The following IKBKB variants were observed in gnomAD, a reference collection of about 807,000 sequenced individuals.
IKBKB encodes inhibitor of nuclear factor kappa B kinase subunit beta.
In IKBKB, 42 loss-of-function variants were observed where a neutral mutation model predicts 113.6. That is an observed-to-expected ratio of 0.37 (90% CI 0.29 to 0.48). IKBKB has a LOEUF of 0.48. Among genes scored for constraint, IKBKB ranks in the 20% least tolerant of loss-of-function variants. IKBKB has a pLI of 0.99. For missense variants in IKBKB, 673 were observed against 939.7 expected (o/e 0.72, Z 3.71); for synonymous variants, 296 against 361.3 (o/e 0.82, Z 2.05).
At chr8:42,294,406 TC>T (rs1813287969) in intron 5 of IKBKB, among the ~76,000 whole-genome samples, 1 of 152,138 alleles carries the variant, frequency 6.6e-6, no homozygotes. Context: ...CACATACCGT[TC>T]CCCTCGGTTC....
At chr8:42,325,377 T>C (rs1585816441) in intron 19 of IKBKB, 1 of 986,150 alleles carries the variant, frequency 1.0e-6, no homozygotes, top group East Asian at 1.1e-4. Flanking sequence ...AATACTTTCC[T>C]GTTCTTTTCT....
rs201028246 is a variant in IKBKB at position 42,271,381 on chromosome 8, G to A, written c.-107G>A. 3 of 1,510,058 alleles carry A rather than the reference G, an allele frequency of 2.0e-6. No homozygotes were observed. The highest frequency in any genetic ancestry group is 2.0e-5 in the Admixed American group (1 of 50,894). 93.5% of individuals were successfully genotyped at this position (1,510,058 alleles called of 1,614,324 possible). On this transcript the variant is annotated 5_prime_UTR_variant, in exon 1 of 22. Transcript: ENST00000520810. ...GATTCCCGCATTTTAATGTTTTCAG[G>A]GGGGTGTCATAGCCCCGGGTTTGGC...
At chr8:42,309,952 TCAC>T (rs1272959408) in intron 8 of IKBKB, among the ~76,000 whole-genome samples, 2 of 152,184 alleles carry the variant, frequency 1.3e-5, no homozygotes, top group African/African-American at 2.4e-5. Flanking sequence ...AAGTTAATTA[TCAC>T]CACCAAAAAT....
chr8:42,311,480 G>A (rs1432104246), intron 8 of IKBKB, among the ~76,000 whole-genome samples: 6 of 141,488 alleles, frequency 4.2e-5, no homozygotes, highest in African/African-American at 1.5e-4. Context: ...AGAATCGCTG[G>A]AACCCAGGAG....
chr8:42,314,475 T>C, intron 9 of IKBKB, 46 bp downstream of exon 9: 1 of 1,296,030 alleles, frequency 7.7e-7, no homozygotes, highest in Non-Finnish European at 1.1e-6. Context: ...TCTTGCTTTT[T>C]TTAGAAATAC....
chr8:42,294,049 C>T (rs1016355879), intron 5 of IKBKB, among the ~76,000 whole-genome samples: 2 of 152,236 alleles, frequency 1.3e-5, no homozygotes, highest in African/African-American at 4.8e-5. Flanking sequence ...GTGGAGCCTC[C>T]TAGACCCTGG....
At chr8:42,324,050 T>A (rs1345050567) in intron 19 of IKBKB, among the ~76,000 whole-genome samples, 1 of 152,020 alleles carries the variant, frequency 6.6e-6, no homozygotes, top group Non-Finnish European at 1.5e-5. Context: ...AGCTCCAGCT[T>A]GTCTTAGAGG....
chr8:42,287,999 C>T (rs1377915797), intron 2 of IKBKB, among the ~76,000 whole-genome samples: 1 of 152,094 alleles, frequency 6.6e-6, no homozygotes, highest in Non-Finnish European at 1.5e-5. Context: ...GACAGGGAAA[C>T]CTCTCTGCGC....
rs1176866466 is a variant in IKBKB, at chr8:42,285,573, A to G, written c.106-3061A>G. On this transcript the variant is annotated intron_variant, in intron 2 of 21. Transcript: ENST00000520810. ...CTGTCTCTAAAAAGAAAAAATAGCA[A>G]CAGGTTTTACAATTGTTGAGAGAGG... 2.6e-5 allele frequency among the ~76,000 whole-genome samples: 4 copies of G among 152,176 alleles called. No homozygotes were observed. The South Asian group carries it at 8.3e-4, about 31-fold the overall frequency.
chr8:42,272,235 C>T (rs200284276), intron 2 of IKBKB, 30 bp downstream of exon 2: 32 of 1,613,720 alleles, frequency 2.0e-5, no homozygotes, highest in Non-Finnish European at 2.5e-5. Context: ...TGGGGAGGGG[C>T]GGGGAGCCAG....
intron 7 of IKBKB, among the ~76,000 whole-genome samples, chr8:42,306,735 C>T (rs976616653): frequency 6.6e-5 from 10 of 152,188 alleles, no homozygotes; most frequent in Admixed American, 4.6e-4. Flanking sequence ...CAGATCCATG[C>T]TGGTCTTGAG....
At chr8:42,315,329 G>A (rs552292900) in intron 9 of IKBKB, among the ~76,000 whole-genome samples, 1 of 152,326 alleles carries the variant, frequency 6.6e-6, no homozygotes, top group African/African-American at 2.4e-5. Flanking sequence ...TATATGGAAT[G>A]ACGTGGGATA....
chr8:42,288,602 C>T, intron 2 of IKBKB, 32 bp from the exon 3 acceptor site: 2 of 1,569,682 alleles, frequency 1.3e-6, no homozygotes, highest in Non-Finnish European at 1.7e-6. Context: ...CTGCAGCTCG[C>T]TCTGCTGGTC....
At chr8:42,289,847 G>A (rs566402880) in intron 3 of IKBKB, among the ~76,000 whole-genome samples, 150 of 152,306 alleles carry the variant, frequency 9.8e-4, no homozygotes, top group South Asian at 4.8e-3. Context: ...CCCATGTGGA[G>A]GGCATGAGAT....
intron 16 of IKBKB, 106 bp from the exon 17 acceptor site, chr8:42,321,790 C>A: frequency 2.6e-6 from 2 of 756,276 alleles, no homozygotes; most frequent in South Asian, 1.9e-5. Flanking sequence ...CCCAGAAGTT[C>A]GAGACCAGCC....
Position 42,326,040 on chromosome 8 carries a change from A to T in IKBKB, c.2057A>T (p.Gln686Leu), listed in dbSNP as rs1820674484. Residue 686 changes from glutamine (Q) to leucine (L), a missense_variant, in exon 20 of 22, where the codon CAG becomes CTG. By Grantham distance (113) the Gln-to-Leu change is moderately radical. Around this residue, in one of 2 missense-constraint regions of IKBKB, gnomAD observed 506 missense variants for 638.7 expected, o/e 0.79. Transcript: ENST00000520810. Reference sequence around the variant, plus strand: ...GCCTCTCGACTTAGCCAGCCTGGGCAGCTGATGTCTCAGCCCTCCACGGCC... The same window carrying T: ...GCCTCTCGACTTAGCCAGCCTGGGCTGCTGATGTCTCAGCCCTCCACGGCC... ...MNASRLSQPG[Q>L]LMSQPSTASN... is the part of the protein sequence containing the mutation. 1 of 1,614,256 alleles carries T rather than the reference A, an allele frequency of 6.2e-7. No homozygotes were observed. Among genetic ancestry groups the T allele is most frequent in the Non-Finnish European group, 8.5e-7 (1 of 1,180,040 alleles).
rs748672861 is a variant in IKBKB, at chr8:42,272,126, C to T, written c.26C>T (p.Thr9Met). 1 of 1,614,140 alleles carries T rather than the reference C, an allele frequency of 6.2e-7. No individual in the cohort carries two copies. The part of the protein sequence containing the change: MSWSPSLT[T>M]QTCGAWEMKE... ...ATGAGCTGGTCACCTTCCCTGACAA[C>T]GCAGACATGTGGGGCCTGGGAAATG... The change falls in exon 2 of 22, where the codon ACG becomes ATG. Residue 9 changes from threonine to methionine, a missense_variant. Physicochemically the swap from Thr to Met is moderately conservative, Grantham distance 81 (BLOSUM62 -1). Coordinates refer to ENST00000520810, the MANE Select transcript of IKBKB (RefSeq NM_001556.3).
intron 15 of IKBKB, chr8:42,320,385 G>C (rs1819534142): frequency 4.4e-6 from 1 of 228,562 alleles, no homozygotes; most frequent in African/African-American, 2.4e-5. Context: ...CAGATGAAGA[G>C]AAGAGAAAGT....
At chr8:42,279,662 G>T (rs988167318) in intron 2 of IKBKB, among the ~76,000 whole-genome samples, 1 of 152,024 alleles carries the variant, frequency 6.6e-6, no homozygotes, top group Non-Finnish European at 1.5e-5. Context: ...ACCTGAGCTC[G>T]CAAGCAAAGA....
Sources: gnomAD v4.1 joint callset for allele counts (sites outside exome capture counted in the v4.1 genomes callset) on GRCh38, gnomAD v4.1.1 for gene constraint, gnomAD v4.1.1 regional missense constraint, MANE v1.5 for transcripts, NCBI Gene and HGNC (gene_info 2026-07-23, HGNC 2026-07-21) for gene names.